CSTF3: variants seen among roughly 807,000 people sequenced by gnomAD.
The protein encoded by CSTF3 is cleavage stimulation factor subunit 3.
Under a neutral mutation model 105.8 loss-of-function variants are expected in CSTF3, and 29 were observed. The ratio of observed to expected loss-of-function variants is 0.27; its 90% CI spans 0.20 to 0.37. The LOEUF (loss-of-function observed/expected upper bound fraction) is 0.37, where lower values mean the gene tolerates loss of function less well. Ranked by LOEUF, CSTF3 falls within the 10% of genes least tolerant of loss-of-function variation. CSTF3 has a pLI of 1.00. For synonymous variants in CSTF3, 252 were observed against 281.9 expected, an observed-to-expected ratio of 0.89 and a Z score of 1.06; for missense variants, 357 against 879.3, an observed-to-expected ratio of 0.41 and a Z score of 7.51.
intron 3 of CSTF3, among the ~76,000 whole-genome samples, chr11:33,132,755 C>T (rs919762005): frequency 1.3e-5 from 2 of 152,176 alleles, no homozygotes; most frequent in East Asian, 1.9e-4. Context: ...AAACTTTTAA[C>T]GAGTTAAATA....
chr11:33,128,065 G>C (rs1056257665), intron 3 of CSTF3, among the ~76,000 whole-genome samples: 1 of 152,130 alleles, frequency 6.6e-6, no homozygotes, highest in African/African-American at 2.4e-5. Flanking sequence ...CATTGGATAA[G>C]CTAGACGCTG....
At chr11:33,138,908 T>C (rs1241665382) in intron 3 of CSTF3, among the ~76,000 whole-genome samples, 2 of 151,820 alleles carry the variant, frequency 1.3e-5, no homozygotes, top group Non-Finnish European at 3.0e-5. Flanking sequence ...TGCCATTCAC[T>C]AGAGCAAGAT....
chr11:33,090,823 T>A, intron 16 of CSTF3, 96 bp from the exon 17 acceptor site: 3 of 719,428 alleles, frequency 4.2e-6, no homozygotes, highest in Non-Finnish European at 6.2e-6. Context: ...CTTTTTCCCT[T>A]AACTTATAAA....
At chr11:33,118,477 G>C (rs927462439) in intron 3 of CSTF3, among the ~76,000 whole-genome samples, 6 of 151,726 alleles carry the variant, frequency 4.0e-5, no homozygotes, top group Non-Finnish European at 5.9e-5. Flanking sequence ...TGTAATTTTG[G>C]GGTAAGAAAA....
At chr11:33,089,023 T>C (rs1195022884) in intron 17 of CSTF3, among the ~76,000 whole-genome samples, 1 of 152,208 alleles carries the variant, frequency 6.6e-6, no homozygotes, top group Non-Finnish European at 1.5e-5. Context: ...TCACTTAACA[T>C]TGTATAGGTT....
intron 3 of CSTF3, among the ~76,000 whole-genome samples, chr11:33,125,414 A>G (rs1177152096): frequency 6.6e-6 from 1 of 152,202 alleles, no homozygotes; most frequent in African/African-American, 2.4e-5. Context: ...AAGAAGGTGC[A>G]TTCCTCCAGA....
Position 33,099,116 on chromosome 11 carries a change from G to A in CSTF3, c.971C>T (p.Ala324Val). The change falls in exon 12 of 21, where the codon GCT becomes GTT. Residue 324 changes from alanine (A) to valine (V), a missense_variant. By Grantham distance (64) the Ala-to-Val change is moderately conservative. Around this residue, in one of 4 missense-constraint regions of CSTF3, gnomAD observed 206 missense variants for 576.5 expected, o/e 0.36. Transcript: ENST00000323959. This position sits in a 1 kb window ranked among gnomAD's most constrained non-coding sequence, Gnocchi z 4.1. ...MNNAKLFSDE[A>V]ANIYERAIST... ...TATGGCTCTTTCATATATATTAGCA[G>A]CTTCATCACTAAATAATTTGGCATT... The A allele has an allele frequency of 6.3e-7, 1 of 1,577,948 alleles. No homozygotes were observed.
At chr11:33,095,810 A>C (rs1855215779) in intron 15 of CSTF3, among the ~76,000 whole-genome samples, 1 of 100,578 alleles carries the variant, frequency 9.9e-6, no homozygotes, top group Non-Finnish European at 2.3e-5. Flanking sequence ...CGACAGCGAG[A>C]CTCTGTCTCA....
intron 15 of CSTF3, among the ~76,000 whole-genome samples, chr11:33,095,819 C>CAAAAT (rs71034651): frequency 3.4e-5 from 5 of 146,138 alleles, no homozygotes; most frequent in South Asian, 2.3e-4. Context: ...GACTCTGTCT[C>CAAAAT]AAATAAATAA....
At chr11:33,088,625 T>C (rs1327659254) in intron 17 of CSTF3, among the ~76,000 whole-genome samples, 2 of 151,962 alleles carry the variant, frequency 1.3e-5, no homozygotes, top group African/African-American at 4.8e-5. Flanking sequence ...TTTATTTTAT[T>C]TTTTTAAGAC....
intron 5 of CSTF3, among the ~76,000 whole-genome samples, chr11:33,107,433 G>C (rs1368135373): frequency 6.6e-6 from 1 of 152,110 alleles, no homozygotes; most frequent in Non-Finnish European, 1.5e-5. Context: ...CTCAGAAGAA[G>C]GTCCATTATT....
chr11:33,118,199 T>C (rs898480873), intron 3 of CSTF3, among the ~76,000 whole-genome samples: 4 of 151,786 alleles, frequency 2.6e-5, no homozygotes, highest in Admixed American at 2.0e-4. Context: ...CTTTAAAATC[T>C]ACTTTTAAAT....
intron 1 of CSTF3, chr11:33,156,733 G>A: frequency 2.2e-6 from 1 of 454,104 alleles, no homozygotes; most frequent in Non-Finnish European, 4.4e-6. Context: ...TTGGAAGGCT[G>A]AGGCAGGAGG....
At chr11:33,126,230 C>T (rs555030985) in intron 3 of CSTF3, among the ~76,000 whole-genome samples, 4 of 152,080 alleles carry the variant, frequency 2.6e-5, no homozygotes, top group East Asian at 1.9e-4. Flanking sequence ...GAGGCTGAGG[C>T]GGGAGGATTG....
rs373728456 is a variant in CSTF3, at chr11:33,108,401, A to G, written c.243T>C (p.Tyr81=). The G allele has an allele frequency of 1.3e-5, 19 of 1,488,382 alleles. No homozygotes were observed. Among genetic ancestry groups the G allele is most frequent in the Middle Eastern group, 1.8e-4 (1 of 5,700 alleles). 92.2% of individuals were successfully genotyped at this position (1,488,382 alleles called of 1,614,324 possible). A position where few individuals can be genotyped will look rare whatever the true frequency, so the allele number is the denominator to read the frequency against. The change falls in exon 4 of 21, where the codon TAT becomes TAC. Residue 81 remains tyrosine (Y), a synonymous_variant. Transcript: ENST00000323959. Reference sequence around the variant, plus strand: ...GAGGACTCACCTTTTCAACCTTGTCATAATTTTTAGCTTTAATCTGAAGAG... The same window carrying G: ...GAGGACTCACCTTTTCAACCTTGTCGTAATTTTTAGCTTTAATCTGAAGAG... ...YIEAEIKAKN[Y]DKVEKLFQRC... is the part of the protein sequence containing the mutation.
chr11:33,094,870 GTATT>G (rs1208578099), intron 15 of CSTF3, among the ~76,000 whole-genome samples: 4 of 151,640 alleles, frequency 2.6e-5, no homozygotes, highest in African/African-American at 7.3e-5. Flanking sequence ...TTTTAGTGAT[GTATT>G]TATTTATATT....
intron 12 of CSTF3, 41 bp from the exon 13 acceptor site, chr11:33,098,805 T>A: frequency 2.9e-6 from 4 of 1,381,320 alleles, no homozygotes; most frequent in Non-Finnish European, 3.9e-6. Context: ...CATATGGTCA[T>A]AAATAAGCAG....
chr11:33,133,829 G>A (rs1855625109), intron 3 of CSTF3, among the ~76,000 whole-genome samples: 3 of 152,116 alleles, frequency 2.0e-5, no homozygotes, highest in African/African-American at 7.2e-5. Context: ...TAAGGCTGAG[G>A]GGCTGTTCCA....
At chr11:33,109,341 A>G (rs1855356867) in intron 3 of CSTF3, among the ~76,000 whole-genome samples, 1 of 152,220 alleles carries the variant, frequency 6.6e-6, no homozygotes. Context: ...ACAGTAATAG[A>G]GTAGTATTCC....
Sources: allele counts gnomAD v4.1 joint callset (sites outside exome capture counted in the v4.1 genomes callset), GRCh38; gene constraint gnomAD v4.1.1; regional missense constraint gnomAD v4.1.1; non-coding constraint Gnocchi (gnomAD v3.1); transcripts MANE v1.5; gene names NCBI Gene and HGNC (gene_info 2026-07-23, HGNC 2026-07-21).